Variants in KBTBD8 observed in about 807,000 individuals in gnomAD.
KBTBD8 encodes kelch repeat and BTB domain containing 8.
KBTBD8 carries 31 observed loss-of-function variants against 53.5 expected under a neutral mutation model. The ratio of observed to expected loss-of-function variants is 0.58; its 90% CI spans 0.44 to 0.78. The LOEUF is 0.78. Ranked by LOEUF, KBTBD8 falls within the 30% of genes least tolerant of loss-of-function variation. KBTBD8 has a pLI of 0.00. For synonymous variants in KBTBD8, 250 were observed against 247.3 expected, an observed-to-expected ratio of 1.01 and a Z score of -0.10; for missense variants, 642 against 735.8, an observed-to-expected ratio of 0.87 and a Z score of 1.48.
At position 67,003,543 on chromosome 3, in the gene KBTBD8, A is replaced by T; in HGVS notation, c.576A>T (p.Thr192=). ...VTKEQEFLQL[T]KDQLISILDS... ...AAGAACAAGAGTTTCTCCAGTTGAC[A>T]AAAGACCAACTGATAAGTATACTAG... The change falls in exon 3 of 4, where the codon ACA becomes ACT. Residue 192 remains threonine (T), a synonymous_variant. Transcript: ENST00000417314. 6.2e-7 allele frequency: 1 copy of T among 1,614,130 alleles called. No homozygotes were observed. The highest frequency in any genetic ancestry group is 8.5e-7 in the Non-Finnish European group (1 of 1,179,964).
chr3:67,005,719 A>G, intron 3 of KBTBD8, among the ~76,000 whole-genome samples: 1 of 147,218 alleles, frequency 6.8e-6, no homozygotes, highest in African/African-American at 2.5e-5. Flanking sequence ...TCTGTCACCC[A>G]GGCTGGAGTG....
intron 3 of KBTBD8, 37 bp from the exon 4 acceptor site, chr3:67,007,885 A>G (rs758392194): frequency 7.8e-7 from 1 of 1,282,430 alleles, no homozygotes; most frequent in Admixed American, 2.3e-5. Context: ...CAAACATAAA[A>G]ATTTACATAT....
intron 3 of KBTBD8, among the ~76,000 whole-genome samples, chr3:67,006,052 T>G (rs1702062144): frequency 6.6e-6 from 1 of 152,226 alleles, no homozygotes. Flanking sequence ...TACTCTCTGG[T>G]TCCTTATTTT....
chr3:67,003,206 C>T lies in KBTBD8; in HGVS notation c.239C>T (p.Thr80Ile), dbSNP rs1702032415. The T allele has an allele frequency of 1.2e-6, 2 of 1,612,382 alleles. No homozygotes were observed. Among genetic ancestry groups the T allele is most frequent in the African/African-American group, 1.3e-5 (1 of 74,934 alleles). Residue 80 changes from threonine (T) to isoleucine (I), a missense_variant, in exon 3 of 4, where the codon ACT (threonine) becomes ATT (isoleucine). Coordinates refer to ENST00000417314, the MANE Select transcript of KBTBD8 (RefSeq NM_032505.3). The part of the protein sequence containing the change: ...AISPYFRSMF[T>I]SGLTESTQKE... ...TCTTTCCTTCTTAGATCCATGTTCA[C>T]TAGCGGCCTTACAGAAAGTACTCAA...
intron 3 of KBTBD8, among the ~76,000 whole-genome samples, chr3:67,006,341 AT>A (rs1183032697): frequency 2.2e-4 from 34 of 152,228 alleles, no homozygotes; most frequent in African/African-American, 8.0e-4. Flanking sequence ...AATTATTAAC[AT>A]CATTTAATTT....
In KBTBD8 at chr3:67,003,417, G is replaced by T. The variant is rs759734632; in HGVS notation, c.450G>T (p.Gln150His). ...AKYMISHLDP[Q>H]NSIGVFIFAD... ...ATATGATCAGTCATTTGGACCCACA[G>T]AATTCTATTGGGGTCTTTATCTTTG... Residue 150 changes from glutamine (Q) to histidine (H), a missense_variant, in exon 3 of 4, where the codon CAG (glutamine) becomes CAT (histidine). Physicochemically the swap from Gln to His is conservative, Grantham distance 24. Coordinates refer to ENST00000417314, the MANE Select transcript of KBTBD8 (RefSeq NM_032505.3). The T allele has an allele frequency of 6.2e-7, 1 of 1,614,034 alleles. No individual in the cohort carries two copies. The highest frequency in any genetic ancestry group is 8.5e-7 in the Non-Finnish European group (1 of 1,179,938).
intron 2 of KBTBD8, among the ~76,000 whole-genome samples, chr3:67,001,088 A>T (rs1272647534): frequency 2.6e-5 from 4 of 152,142 alleles, no homozygotes; most frequent in Admixed American, 1.3e-4. Context: ...AATTTTGTTA[A>T]GTCAATTTTT....
intron 2 of KBTBD8, among the ~76,000 whole-genome samples, chr3:67,002,069 G>C (rs1248477933): frequency 6.6e-6 from 1 of 151,972 alleles, no homozygotes; most frequent in African/African-American, 2.4e-5. Flanking sequence ...AAACCAACTT[G>C]GTCTCGAAGG....
chr3:67,004,072 A>G lies in KBTBD8; in HGVS notation c.1105A>G (p.Arg369Gly), dbSNP rs769672566. The change falls in exon 3 of 4, where the codon AGA (arginine) becomes GGA (glycine). Residue 369 changes from arginine (R) to glycine (G), a missense_variant. Transcript: ENST00000417314. ...DFWMYDHSTN[R>G]WLSKPSLLRA... ...CTGGATGTATGATCATTCCACCAATAGATGGCTATCCAAACCATCCTTGCT... is the reference window on the plus strand; with the variant it reads ...CTGGATGTATGATCATTCCACCAATGGATGGCTATCCAAACCATCCTTGCT... 1 of 1,614,198 alleles carries G rather than the reference A, an allele frequency of 6.2e-7. No individual in the cohort carries two copies. Among genetic ancestry groups the G allele is most frequent in the East Asian group, 2.2e-5 (1 of 44,870 alleles).
At position 66,998,455 on chromosome 3, in the gene KBTBD8, A is replaced by G. The variant is rs1030691386; in HGVS notation, c.16+84A>G. ...GCCGGCCACAGGCAGTGGGATGAGG[A>G]CGTAGCGGTGCGGAGCTAGAGGGAA... On this transcript the variant is annotated intron_variant, in intron 1 of 3. Coordinates refer to ENST00000417314, the MANE Select transcript of KBTBD8 (RefSeq NM_032505.3). The G allele has an allele frequency of 8.2e-6, 9 of 1,091,280 alleles. No individual in the cohort carries two copies. In the African/African-American group the frequency reaches 1.2e-4, roughly 14 times the overall value. 67.6% of individuals were successfully genotyped at this position (1,091,280 alleles called of 1,614,324 possible).
Sources: allele counts gnomAD v4.1 joint callset (sites outside exome capture counted in the v4.1 genomes callset), GRCh38; gene constraint gnomAD v4.1.1; transcripts MANE v1.5; gene names NCBI Gene and HGNC (gene_info 2026-07-23, HGNC 2026-07-21).